The following SCARF2 variants were observed in gnomAD, a reference collection of about 807,000 sequenced individuals.
SCARF2 encodes the protein scavenger receptor class F member 2.
In SCARF2, 39 loss-of-function variants were observed where a neutral mutation model predicts 73.4. The observed-to-expected ratio is 0.53, with a 90% confidence interval of 0.41 to 0.69. The LOEUF (loss-of-function observed/expected upper bound fraction) is 0.69, where lower values mean the gene tolerates loss of function less well. SCARF2 is among the 30% of genes least tolerant of loss of function. The probability of loss-of-function intolerance (pLI) is 0.00; values close to 1 mark genes in which losing one functional copy is unlikely to be tolerated. For synonymous variants in SCARF2, 605 were observed against 590.0 expected (o/e 1.03, Z -0.37); for missense variants, 1,148 against 1,303.5 (o/e 0.88, Z 1.84).
In SCARF2 at chr22:20,425,655, A is replaced by G. The variant is rs1044131875; in HGVS notation, c.2321T>C (p.Leu774Pro). The G allele has an allele frequency of 1.7e-5, 21 of 1,265,384 alleles. No individual in the cohort carries two copies. In the East Asian group the frequency reaches 5.7e-4, roughly 35 times the overall value. 78.4% of individuals were successfully genotyped at this position (1,265,384 alleles called of 1,614,324 possible). Reference protein sequence around the residue: ...PEAASMLAAELRGKTRSLGRA... With the variant: ...PEAASMLAAEPRGKTRSLGRA... ...GCCCAGGCTGCGAGTCTTGCCGCGCAGCTCAGCGGCCAACATGGAGGCAGC... is the reference window on the plus strand; with the variant it reads ...GCCCAGGCTGCGAGTCTTGCCGCGCGGCTCAGCGGCCAACATGGAGGCAGC... Residue 774 changes from leucine to proline, a missense_variant, in exon 11 of 11, where the codon CTG (leucine) becomes CCG (proline). Transcript: ENST00000622235. The surrounding 1 kb of genome is among the most constrained non-coding windows in gnomAD (Gnocchi z 4.6).
chr22:20,437,635 G>C lies in SCARF2; in HGVS notation c.120C>G (p.Thr40=), dbSNP rs758666067. The change falls in exon 1 of 11, where the codon ACC becomes ACG. Residue 40 remains threonine (T), a synonymous_variant. Transcript: ENST00000622235. ...LLLLLWMLPD[T]VAPQELNPRG... Reference sequence around the variant, plus strand: ...GAGGGTTCAGTTCCTGAGGCGCCACGGTGTCCGGCAGCATCCAGAGCAGCA... The same window carrying C: ...GAGGGTTCAGTTCCTGAGGCGCCACCGTGTCCGGCAGCATCCAGAGCAGCA... 1 of 1,561,468 alleles carries C rather than the reference G, an allele frequency of 6.4e-7. No individual in the cohort carries two copies. Among genetic ancestry groups the C allele is most frequent in the South Asian group, 1.2e-5 (1 of 86,014 alleles).
chr22:20,430,442 C>G lies in SCARF2; in HGVS notation c.1189G>C (p.Val397Leu). Reference protein sequence around the residue: ...QSGRCLCSPGVHGPHCNVTCP... With the variant: ...QSGRCLCSPGLHGPHCNVTCP... ...CGGGGCACTCACTGGGGCCCGTGGA[C>G]GCCAGGGCTGCACAGGCAGCGCCCC... Residue 397 changes from valine to leucine, a missense_variant, in exon 6 of 11, where the codon GTC becomes CTC. Physicochemically the swap from Val to Leu is conservative, Grantham distance 32. Around this residue, in one of 5 missense-constraint regions of SCARF2, gnomAD observed 372 missense variants for 532.0 expected, o/e 0.70. Transcript: ENST00000622235. 1 of 1,591,288 alleles carries G rather than the reference C, an allele frequency of 6.3e-7. No homozygotes were observed. Among genetic ancestry groups the G allele is most frequent in the South Asian group, 1.1e-5 (1 of 88,224 alleles).
rs200291473 is a variant in SCARF2, at chr22:20,427,582, T to C, written c.1541-32A>G. On this transcript the variant is annotated intron_variant, in intron 9 of 10. Transcript: ENST00000622235. ...AAGGATGAGGCAGAGCTGCCAGGGG[T>C]CCACTCTGCCCCAGCCGGTGCCCTC... 3.9e-5 allele frequency: 63 copies of C among 1,610,218 alleles called. No homozygotes were observed. In the African/African-American group the frequency reaches 6.5e-4, roughly 17 times the overall value.
chr22:20,436,560 C>G (rs549637520), intron 1 of SCARF2, among the ~76,000 whole-genome samples: 41 of 152,156 alleles, frequency 2.7e-4, no homozygotes, highest in African/African-American at 9.6e-4. Flanking sequence ...CGCGCTGCCC[C>G]CTCGCAGCCC....
rs1259268449 is a variant in SCARF2, at chr22:20,429,962, C to G, written c.1203-129G>C. On this transcript the variant is annotated intron_variant, in intron 6 of 10. Coordinates refer to ENST00000622235, the MANE Select transcript of SCARF2 (RefSeq NM_182895.5). The surrounding 1 kb of genome is among the most constrained non-coding windows in gnomAD (Gnocchi z 5.2). ...CCGGGCTCTCTCTCGCTGCATTCGT[C>G]GTCTAGGGATTGAAGCCCCGCCCCG... The G allele has an allele frequency of 4.5e-6, 4 of 898,124 alleles. No individual in the cohort carries two copies. Among genetic ancestry groups the G allele is most frequent in the Non-Finnish European group, 6.8e-6 (4 of 587,112 alleles). 55.6% of individuals were successfully genotyped at this position (898,124 alleles called of 1,614,324 possible). A position where few individuals can be genotyped will look rare whatever the true frequency, so the allele number is the denominator to read the frequency against.
chr22:20,429,309 G>A lies in SCARF2; in HGVS notation c.1456C>T (p.His486Tyr). ...CGACTGAAGCGCCCGCATAGTCGGT[G>A]CGGCGCCTTCTTCCTCCCAAGCGAA... ...ELSLGRKKAP[H>Y]RLCGRFSRIS... The change falls in exon 9 of 11, where the codon CAC becomes TAC. Residue 486 changes from histidine (H) to tyrosine (Y), a missense_variant. Transcript: ENST00000622235. The surrounding 1 kb of genome is among the most constrained non-coding windows in gnomAD (Gnocchi z 5.2). 6.2e-7 allele frequency: 1 copy of A among 1,613,246 alleles called. No individual in the cohort carries two copies. The highest frequency in any genetic ancestry group is 8.5e-7 in the Non-Finnish European group (1 of 1,179,910).
intron 1 of SCARF2, among the ~76,000 whole-genome samples, chr22:20,435,030 C>A (rs1451526309): frequency 6.6e-6 from 1 of 152,190 alleles, no homozygotes; most frequent in Non-Finnish European, 1.5e-5. Context: ...GCAGGGCTCT[C>A]CCCATCAATG....
At position 20,429,507 on chromosome 22, in the gene SCARF2, G is replaced by A; in HGVS notation, c.1424+29C>T. On this transcript the variant is annotated intron_variant, in intron 8 of 10. Transcript: ENST00000622235. The surrounding 1 kb of genome is among the most constrained non-coding windows in gnomAD (Gnocchi z 5.2). Reference sequence around the variant, plus strand: ...ACCCAGAGGGTGCGGCCTGAACCCAGGCGAAAGCGGGGCAGTATCTGGGCT... The same window carrying A: ...ACCCAGAGGGTGCGGCCTGAACCCAAGCGAAAGCGGGGCAGTATCTGGGCT... 1 of 1,609,946 alleles carries A rather than the reference G, an allele frequency of 6.2e-7. No homozygotes were observed. The highest frequency in any genetic ancestry group is 1.1e-5 in the South Asian group (1 of 90,862).
Position 20,424,662 on chromosome 22 carries a change from G to C in SCARF2, c.*713C>G, listed in dbSNP as rs925323252. On this transcript the variant is annotated 3_prime_UTR_variant, in exon 11 of 11. Transcript: ENST00000622235. ...AGCCCATCCTGGGGCACCGGCCGAG[G>C]GGGGAGCAGCCCTGCTGGGGGCCTA... Among the ~76,000 whole-genome samples the C allele has an allele frequency of 6.6e-6, 1 of 152,256 alleles. No homozygotes were observed. Among genetic ancestry groups the C allele is most frequent in the Non-Finnish European group, 1.5e-5 (1 of 68,046 alleles).
chr22:20,435,000 A>C (rs2052685082), intron 1 of SCARF2, among the ~76,000 whole-genome samples: 3 of 152,158 alleles, frequency 2.0e-5, no homozygotes. Flanking sequence ...CTGAACACTG[A>C]CAACACCTTG....
intron 1 of SCARF2, among the ~76,000 whole-genome samples, chr22:20,433,177 G>A (rs566611485): frequency 6.6e-6 from 1 of 152,330 alleles, no homozygotes; most frequent in East Asian, 1.9e-4. Context: ...AGCCATGATG[G>A]CTAGAGAGGG....
Position 20,431,270 on chromosome 22 carries a change from A to G in SCARF2, c.602T>C (p.Leu201Pro). The change falls in exon 4 of 11, where the codon CTG becomes CCG. Residue 201 changes from leucine to proline, a missense_variant. Coordinates refer to ENST00000622235, the MANE Select transcript of SCARF2 (RefSeq NM_182895.5). ...SRCDPQTGAC[L>P]CHAGWWGRSC... The stretch of plus-strand genomic sequence containing the variant: ...GCGGCCCCACCAGCCTGCGTGGCAC[A>G]GGCAGGCGCCGGTCTGTGGGTCGCA... 1 of 1,540,580 alleles carries G rather than the reference A, an allele frequency of 6.5e-7. No homozygotes were observed. The highest frequency in any genetic ancestry group is 8.7e-7 in the Non-Finnish European group (1 of 1,151,556).
chr22:20,431,062 G>A lies in SCARF2; in HGVS notation c.810C>T (p.Arg270=). The A allele has an allele frequency of 6.4e-7, 1 of 1,556,404 alleles. No homozygotes were observed. Among genetic ancestry groups the A allele is most frequent in the Non-Finnish European group, 8.6e-7 (1 of 1,158,858 alleles). The change falls in exon 4 of 11, where the codon CGC becomes CGT. Residue 270 remains arginine, a synonymous_variant. Coordinates refer to ENST00000622235, the MANE Select transcript of SCARF2 (RefSeq NM_182895.5). ...CEPGYRGKYC[R]EPCPAGFYGL... is the part of the protein sequence containing the mutation. ...CGTAGAAGCCGGCGGGGCACGGCTC[G>A]CGACAGTACTTGCCGCGGTAGCCCG...
At position 20,424,938 on chromosome 22, in the gene SCARF2, G is replaced by C. The variant is rs185536259; in HGVS notation, c.*437C>G. 1.1e-3 allele frequency: 172 copies of C among 160,406 alleles called. No homozygotes were observed. The highest frequency in any genetic ancestry group is 3.9e-3 in the African/African-American group (164 of 41,914). 9.9% of individuals were successfully genotyped at this position (160,406 alleles called of 1,614,324 possible). A position where few individuals can be genotyped will look rare whatever the true frequency, so the allele number is the denominator to read the frequency against. On this transcript the variant is annotated 3_prime_UTR_variant, in exon 11 of 11. Coordinates refer to ENST00000622235, the MANE Select transcript of SCARF2 (RefSeq NM_182895.5). Reference sequence around the variant, plus strand: ...GCTCTATTGGGACGGCCAAGGGAGGGAGCCTCCAGCCAGAGGCACCAGGCC... The same window carrying C: ...GCTCTATTGGGACGGCCAAGGGAGGCAGCCTCCAGCCAGAGGCACCAGGCC...
In SCARF2 at chr22:20,425,296, G is replaced by T. The variant is rs2052558422; in HGVS notation, c.*79C>A. ...GCCCGGCCAATAGGAGGCCGCCCGT[G>T]CCCGGTAGCGTGGGAGGTGTGGGGT... On this transcript the variant is annotated 3_prime_UTR_variant, in exon 11 of 11. Coordinates refer to ENST00000622235, the MANE Select transcript of SCARF2 (RefSeq NM_182895.5). The surrounding 1 kb of genome is among the most constrained non-coding windows in gnomAD (Gnocchi z 4.6). 1 of 1,220,566 alleles carries T rather than the reference G, an allele frequency of 8.2e-7. No individual in the cohort carries two copies. The highest frequency in any genetic ancestry group is 2.3e-5 in the South Asian group (1 of 44,332). 75.6% of individuals were successfully genotyped at this position (1,220,566 alleles called of 1,614,324 possible).
In SCARF2 at chr22:20,425,457, T is replaced by C; in HGVS notation, c.2519A>G (p.Lys840Arg). The C allele has an allele frequency of 1.4e-6, 2 of 1,415,314 alleles. No individual in the cohort carries two copies. The allele number at this position is 1,415,314 out of a possible 1,614,324, so 87.7% of individuals were successfully genotyped here. A position where few individuals can be genotyped will look rare whatever the true frequency, so the allele number is the denominator to read the frequency against. The change falls in exon 11 of 11, where the codon AAG (lysine) becomes AGG (arginine). Residue 840 changes from lysine to arginine, a missense_variant. By Grantham distance (26) the Lys-to-Arg change is conservative. Transcript: ENST00000622235. The surrounding 1 kb of genome is among the most constrained non-coding windows in gnomAD (Gnocchi z 4.6). ...DLPAPETPRK[K>R]TPIQKPPRKK... ...GCGCGGCGGCTTCTGGATGGGGGTC[T>C]TCTTCCGGGGGGTCTCAGGCGCGGG...
At chr22:20,431,618 C>T (rs565310401) in intron 3 of SCARF2, 81 bp from the exon 4 acceptor site, 7 of 1,542,532 alleles carry the variant, frequency 4.5e-6, no homozygotes, top group African/African-American at 4.1e-5. Context: ...GCCCGCGTCC[C>T]GCACTCCAGC....
Position 20,425,067 on chromosome 22 carries a change from G to T in SCARF2, c.*308C>A. ...CTGGCCAGTAAGAGGCGGTCTTTAAGCGGAACCCTCCCATCTTTGGCCAAT... is the reference window on the plus strand; with the variant it reads ...CTGGCCAGTAAGAGGCGGTCTTTAATCGGAACCCTCCCATCTTTGGCCAAT... On this transcript the variant is annotated 3_prime_UTR_variant, in exon 11 of 11. Coordinates refer to ENST00000622235, the MANE Select transcript of SCARF2 (RefSeq NM_182895.5). This position sits in a 1 kb window ranked among gnomAD's most constrained non-coding sequence, Gnocchi z 4.6. 2.9e-6 allele frequency: 1 copy of T among 339,274 alleles called. No homozygotes were observed. Among genetic ancestry groups the T allele is most frequent in the Non-Finnish European group, 5.3e-6 (1 of 187,606 alleles). The allele number at this position is 339,274 out of a possible 1,614,324, so 21.0% of individuals were successfully genotyped here.
chr22:20,428,877 C>CGAAT (rs2052609684), intron 9 of SCARF2, among the ~76,000 whole-genome samples: 3 of 152,114 alleles, frequency 2.0e-5, no homozygotes, highest in South Asian at 4.1e-4. Context: ...GCCACGCATT[C>CGAAT]CCCCAGCAGC....
Sources: allele counts gnomAD v4.1 joint callset (sites outside exome capture counted in the v4.1 genomes callset), GRCh38; gene constraint gnomAD v4.1.1; regional missense constraint gnomAD v4.1.1; non-coding constraint Gnocchi (gnomAD v3.1); transcripts MANE v1.5; gene names NCBI Gene and HGNC (gene_info 2026-07-23, HGNC 2026-07-21).